Variants in XYLT1 observed in about 807,000 individuals in gnomAD.
XYLT1 encodes beta-D-xylosyltransferase 1.
A neutral mutation model predicts 91.3 loss-of-function variants in XYLT1; 36 were observed. That is an observed-to-expected ratio of 0.39 (90% CI 0.30 to 0.52). The LOEUF (loss-of-function observed/expected upper bound fraction) is 0.52, where lower values mean the gene tolerates loss of function less well. Among genes scored for constraint, XYLT1 ranks in the 20% least tolerant of loss-of-function variants. The probability of loss-of-function intolerance (pLI) is 0.68; values close to 1 mark genes in which losing one functional copy is unlikely to be tolerated. For missense variants in XYLT1, 1,242 were observed against 1,284.5 expected (o/e 0.97, Z 0.51); for synonymous variants, 588 against 532.0 (o/e 1.11, Z -1.45).
intron 2 of XYLT1, among the ~76,000 whole-genome samples, chr16:17,263,248 C>T (rs562791708): frequency 6.6e-6 from 1 of 152,194 alleles, no homozygotes; most frequent in African/African-American, 2.4e-5. Context: ...CCAAGCAAAA[C>T]CAGACAGAAA....
At position 17,207,660 on chromosome 16, in the gene XYLT1, TTTGGGTGGTCTGTG is replaced by T. The variant is rs1426484187; in HGVS notation, c.914-7020_914-7007del. Among the ~76,000 whole-genome samples, 6 of 152,162 alleles carry T rather than the reference TTTGGGTGGTCTGTG, an allele frequency of 3.9e-5. No individual in the cohort carries two copies. The East Asian group carries it at 9.7e-4, about 25-fold the overall frequency. ...GGCACCCCCACTTTTCCTTGAGGCT[TTTGGGTGGTCTGTG>T]GACCCTTGCTCAGCAGCACCAAGCC... On this transcript the variant is annotated intron_variant, in intron 3 of 11. Transcript: ENST00000261381.
intron 10 of XYLT1, among the ~76,000 whole-genome samples, chr16:17,118,344 C>A (rs1023595768): frequency 9.2e-5 from 14 of 152,156 alleles, no homozygotes; most frequent in South Asian, 4.1e-4. Context: ...GAAACATACA[C>A]CCTGCCACTC....
chr16:17,240,223 A>G (rs1387705003), intron 3 of XYLT1, among the ~76,000 whole-genome samples: 1 of 152,202 alleles, frequency 6.6e-6, no homozygotes, highest in Admixed American at 6.5e-5. Flanking sequence ...GGAAGCCTTC[A>G]GCTACAGTCT....
At chr16:17,381,137 G>T (rs1480866224) in intron 1 of XYLT1, among the ~76,000 whole-genome samples, 1 of 152,138 alleles carries the variant, frequency 6.6e-6, no homozygotes, top group East Asian at 1.9e-4. Flanking sequence ...AATCTAGAGT[G>T]AGAGAAAGCT....
At chr16:17,415,981 G>A (rs2141916479) in intron 1 of XYLT1, among the ~76,000 whole-genome samples, 1 of 152,332 alleles carries the variant, frequency 6.6e-6, no homozygotes, top group African/African-American at 2.4e-5. Flanking sequence ...TATGTTTGAG[G>A]AACTACCAGA....
intron 2 of XYLT1, among the ~76,000 whole-genome samples, chr16:17,355,594 A>T (rs2035284127): frequency 6.6e-6 from 1 of 152,178 alleles, no homozygotes; most frequent in Non-Finnish European, 1.5e-5. Flanking sequence ...TTCACAGTTT[A>T]ATATCTATTT....
chr16:17,135,968 G>C (rs1489590056), intron 8 of XYLT1, among the ~76,000 whole-genome samples: 2 of 152,214 alleles, frequency 1.3e-5, no homozygotes, highest in Non-Finnish European at 2.9e-5. Context: ...CTGACCCCTT[G>C]TGTAGGGCTG....
intron 3 of XYLT1, chr16:17,227,646 A>G (rs1274671241): frequency 1.3e-5 from 2 of 152,288 alleles, no homozygotes; most frequent in Non-Finnish European, 2.9e-5. Flanking sequence ...GAGGGTTTTC[A>G]TCAGGGGAGT....
intron 2 of XYLT1, among the ~76,000 whole-genome samples, chr16:17,264,511 T>G (rs1013408848): frequency 6.6e-6 from 1 of 152,210 alleles, no homozygotes; most frequent in African/African-American, 2.4e-5. Flanking sequence ...TCCCCCTAAC[T>G]CTTCATCTGA....
intron 1 of XYLT1, among the ~76,000 whole-genome samples, chr16:17,460,189 C>T (rs1458723729): frequency 1.3e-5 from 2 of 152,286 alleles, no homozygotes; most frequent in African/African-American, 4.8e-5. Flanking sequence ...TTTTCCACCT[C>T]CCCCTTGTCT....
At chr16:17,197,174 C>T (rs2032446151) in intron 5 of XYLT1, among the ~76,000 whole-genome samples, 1 of 151,870 alleles carries the variant, frequency 6.6e-6, no homozygotes, top group Non-Finnish European at 1.5e-5. Flanking sequence ...TGCTACCCCT[C>T]ACTTACTCTG....
intron 7 of XYLT1, among the ~76,000 whole-genome samples, chr16:17,138,926 A>AATT (rs1567291787): frequency 1.3e-5 from 2 of 152,182 alleles, no homozygotes. Context: ...GGTGTGCTGG[A>AATT]ATTTCACCCC....
chr16:17,378,037 T>C (rs1025378532), intron 1 of XYLT1, among the ~76,000 whole-genome samples: 2 of 152,188 alleles, frequency 1.3e-5, no homozygotes, highest in African/African-American at 4.8e-5. Flanking sequence ...CTTGTTGAAT[T>C]GGAATAGGTC....
At chr16:17,246,083 G>C (rs1005367469) in intron 3 of XYLT1, among the ~76,000 whole-genome samples, 1 of 152,210 alleles carries the variant, frequency 6.6e-6, no homozygotes, top group Non-Finnish European at 1.5e-5. Context: ...AAAGTGCAGT[G>C]GTTAAGCCCC....
At chr16:17,276,312 C>G (rs2033973129) in intron 2 of XYLT1, among the ~76,000 whole-genome samples, 1 of 152,164 alleles carries the variant, frequency 6.6e-6, no homozygotes, top group Non-Finnish European at 1.5e-5. Flanking sequence ...TCTCTGTAAG[C>G]TGCGGGTGCC....
chr16:17,122,879 G>T (rs1447452891), intron 10 of XYLT1, among the ~76,000 whole-genome samples: 1 of 152,052 alleles, frequency 6.6e-6, no homozygotes, highest in Non-Finnish European at 1.5e-5. Flanking sequence ...CCGTGTTGAA[G>T]ATCAGTAAGT....
chr16:17,302,947 G>A (rs2034418675), intron 2 of XYLT1, among the ~76,000 whole-genome samples: 2 of 152,040 alleles, frequency 1.3e-5, no homozygotes, highest in Admixed American at 6.6e-5. Flanking sequence ...GAGCACACAT[G>A]TGACCGTGAG....
intron 2 of XYLT1, among the ~76,000 whole-genome samples, chr16:17,314,010 G>A (rs927762299): frequency 2.0e-5 from 3 of 152,204 alleles, no homozygotes; most frequent in Admixed American, 6.5e-5. Flanking sequence ...CACCCTGGGA[G>A]GGTCAGGACA....
chr16:17,164,685 G>A (rs1327432530), intron 5 of XYLT1, among the ~76,000 whole-genome samples: 1 of 152,122 alleles, frequency 6.6e-6, no homozygotes, highest in Non-Finnish European at 1.5e-5. Context: ...CATCCATATT[G>A]TATCATACCT....
Sources: allele counts gnomAD v4.1 joint callset (sites outside exome capture counted in the v4.1 genomes callset), GRCh38; gene constraint gnomAD v4.1.1; transcripts MANE v1.5; gene names NCBI Gene and HGNC (gene_info 2026-07-23, HGNC 2026-07-21).